The following PHACTR3 variants were observed in gnomAD, a reference collection of about 807,000 sequenced individuals.
PHACTR3 encodes phosphatase and actin regulator 3, also known as protein phosphatase 1, regulatory subunit 123.
PHACTR3 carries 16 observed loss-of-function variants against 66.8 expected under a neutral mutation model. That is an observed-to-expected ratio of 0.24 (90% CI 0.16 to 0.36). PHACTR3 has a LOEUF of 0.36. PHACTR3 is among the 10% of genes least tolerant of loss of function. The pLI, the probability that PHACTR3 is intolerant of heterozygous loss-of-function variation, is 1.00. For synonymous variants in PHACTR3, 323 were observed against 292.1 expected (o/e 1.11, Z -1.08); for missense variants, 647 against 719.9 (o/e 0.90, Z 1.16).
chr20:59,842,636 A>C (rs1428740214), intron 11 of PHACTR3, among the ~76,000 whole-genome samples: 2 of 152,188 alleles, frequency 1.3e-5, no homozygotes, highest in African/African-American at 4.8e-5. Context: ...GGCCTGGGGA[A>C]GCCAAAATAT....
intron 1 of PHACTR3, among the ~76,000 whole-genome samples, chr20:59,720,540 G>A (rs990022683): frequency 6.6e-6 from 1 of 152,196 alleles, no homozygotes; most frequent in Admixed American, 6.5e-5. Context: ...CCCTCTGAGT[G>A]TGCCCACTCA....
intron 1 of PHACTR3, among the ~76,000 whole-genome samples, chr20:59,639,775 T>C (rs930606213): frequency 2.0e-5 from 3 of 152,182 alleles, no homozygotes; most frequent in African/African-American, 7.2e-5. Context: ...AGTTGTTAAT[T>C]CCCCTTATCT....
chr20:59,694,520 C>T (rs965036112), intron 1 of PHACTR3, among the ~76,000 whole-genome samples: 2 of 151,108 alleles, frequency 1.3e-5, no homozygotes, highest in African/African-American at 4.9e-5. Context: ...GAGAAAGCCT[C>T]GATGGAAGAA....
chr20:59,810,763 T>C (rs2147014881), intron 8 of PHACTR3, among the ~76,000 whole-genome samples: 1 of 152,286 alleles, frequency 6.6e-6, no homozygotes, highest in South Asian at 2.1e-4. Context: ...CAGGGTCCCA[T>C]TTGAAAGAGT....
At chr20:59,831,690 T>C (rs563280943) in intron 8 of PHACTR3, among the ~76,000 whole-genome samples, 156 of 152,046 alleles carry the variant, frequency 1.0e-3, no homozygotes, top group Non-Finnish European at 1.8e-3. Flanking sequence ...CGGCCACGTC[T>C]CTAGCGGCTC....
chr20:59,832,481 T>C (rs2042411736), intron 8 of PHACTR3, among the ~76,000 whole-genome samples: 1 of 152,232 alleles, frequency 6.6e-6, no homozygotes, highest in Non-Finnish European at 1.5e-5. Context: ...CAGCACACTT[T>C]GTCCTTGGTA....
chr20:59,632,570 G>A (rs759409765), intron 1 of PHACTR3, among the ~76,000 whole-genome samples: 1 of 152,208 alleles, frequency 6.6e-6, no homozygotes, highest in Non-Finnish European at 1.5e-5. Context: ...AATTTTGAAG[G>A]TTGATTTCCC....
At chr20:59,844,281 C>T (rs1271995966) in intron 11 of PHACTR3, 1 of 152,016 alleles carries the variant, frequency 6.6e-6, no homozygotes, top group Admixed American at 6.6e-5. Context: ...TGTTTAAAAA[C>T]TATATGATCC....
intron 1 of PHACTR3, among the ~76,000 whole-genome samples, chr20:59,663,915 G>A (rs1364397336): frequency 2.6e-5 from 4 of 152,212 alleles, no homozygotes; most frequent in African/African-American, 4.8e-5. Context: ...TATGTATAAC[G>A]ATTATATTGT....
In PHACTR3 at chr20:59,690,096, T is replaced by TCAAAA. The variant is rs897213777; in HGVS notation, c.119-52993_119-52989dup. ...CAGTGGTTGCTCATGGCTTGTAAAA[T>TCAAAA]CAAAACAAAACAAAACAAAACACCC... On this transcript the variant is annotated intron_variant, in intron 1 of 12. Transcript: ENST00000371015. 1.2e-4 allele frequency among the ~76,000 whole-genome samples: 19 copies of TCAAAA among 152,156 alleles called. No homozygotes were observed. The South Asian group carries it at 1.7e-3, about 13-fold the overall frequency.
At chr20:59,780,993 A>G (rs6070944) in intron 7 of PHACTR3, among the ~76,000 whole-genome samples, 41,824 of 152,096 alleles carry the variant, frequency 0.27, 6,430 homozygotes, top group African/African-American at 0.42. Context: ...TATAGGAACA[A>G]GGAAGCACTG....
rs140655480 is a variant in PHACTR3, at chr20:59,773,187, C to T, written c.752-92C>T. On this transcript the variant is annotated intron_variant, in intron 5 of 12. Transcript: ENST00000371015. ...GGCCCCTCCTGGAGGTGCAGGGGAG[C>T]GTCCTTTCCGCTCATGGTCCCCAGT... 1.0e-3 allele frequency: 1,449 copies of T among 1,414,624 alleles called. 1 individual carries two copies. The highest frequency in any genetic ancestry group is 1.5e-3 in the Admixed American group (72 of 48,160). 87.6% of individuals were successfully genotyped at this position (1,414,624 alleles called of 1,614,324 possible).
chr20:59,781,559 C>T (rs372827662), intron 7 of PHACTR3, among the ~76,000 whole-genome samples: 19 of 152,142 alleles, frequency 1.2e-4, no homozygotes, highest in African/African-American at 2.4e-4. Flanking sequence ...GGGCACATGG[C>T]GCTCACGTGG....
chr20:59,646,728 A>T lies in PHACTR3; in HGVS notation c.118+41596A>T, dbSNP rs145477649. Among the ~76,000 whole-genome samples, 868 of 152,314 alleles carry T rather than the reference A, an allele frequency of 5.7e-3. 7 individuals carry two copies. The highest frequency in any genetic ancestry group is 9.9e-3 in the Non-Finnish European group (675 of 68,022). ...CATGACTCGGAGCTGGAATCTGACT[A>T]GGCATAGGAGTTAATTGGGCCTGAG... On this transcript the variant is annotated intron_variant, in intron 1 of 12. Transcript: ENST00000371015.
In PHACTR3 at chr20:59,755,254, C is replaced by T. The variant is rs780034923; in HGVS notation, c.431C>T (p.Ser144Leu). The T allele has an allele frequency of 8.1e-6, 13 of 1,613,858 alleles. No individual in the cohort carries two copies. The highest frequency in any genetic ancestry group is 4.5e-5 in the East Asian group (2 of 44,890). ...CAGAGTGAACCACCCACTCCCAAGT[C>T]GGAGACGCTGACTTCAGAAGATGCC... Reference protein sequence around the residue: ...SVQSEPPTPKSETLTSEDAQP... With the variant: ...SVQSEPPTPKLETLTSEDAQP... The change falls in exon 4 of 13, where the codon TCG becomes TTG. Residue 144 changes from serine to leucine, a missense_variant. Ser to Leu is a moderately radical substitution (Grantham distance 145). This residue lies in a region of PHACTR3 where 577 missense variants were observed against 571.1 expected (regional missense o/e 1.01). Transcript: ENST00000371015.
At chr20:59,586,478 C>T (rs1435271972) in intron 1 of PHACTR3, among the ~76,000 whole-genome samples, 1 of 152,158 alleles carries the variant, frequency 6.6e-6, no homozygotes, top group Non-Finnish European at 1.5e-5. Flanking sequence ...GCTTTGCTAT[C>T]TGTGCCTTTT....
upstream of PHACTR3, among the ~76,000 whole-genome samples, chr20:59,600,648 G>A (rs2033450762): frequency 6.6e-6 from 1 of 152,226 alleles, no homozygotes; most frequent in Non-Finnish European, 1.5e-5. Context: ...AACTGCCTTT[G>A]CCTTTGCGGT....
intron 3 of PHACTR3, among the ~76,000 whole-genome samples, chr20:59,750,503 G>A (rs576927658): frequency 5.9e-5 from 9 of 152,166 alleles, no homozygotes; most frequent in East Asian, 5.8e-4. Context: ...ACAAGTCCCC[G>A]CGGTGGAAGG....
At chr20:59,806,769 C>G (rs1476415219) in intron 8 of PHACTR3, among the ~76,000 whole-genome samples, 1 of 152,212 alleles carries the variant, frequency 6.6e-6, no homozygotes, top group Non-Finnish European at 1.5e-5. Context: ...ACAGAGCGCA[C>G]TACACAAACC....
Sources: allele counts gnomAD v4.1 joint callset (sites outside exome capture counted in the v4.1 genomes callset), GRCh38; gene constraint gnomAD v4.1.1; regional missense constraint gnomAD v4.1.1; transcripts MANE v1.5; gene names NCBI Gene and HGNC (gene_info 2026-07-23, HGNC 2026-07-21).